The following DPP6 variants were observed in gnomAD, a reference collection of about 807,000 sequenced individuals.
The protein encoded by DPP6 is A-type potassium channel modulatory protein DPP6.
Under a neutral mutation model 122.6 loss-of-function variants are expected in DPP6, and 69 were observed. The observed-to-expected ratio is 0.56, with a 90% CI of 0.46 to 0.69. The LOEUF is 0.69. Among genes scored for constraint, DPP6 ranks in the 30% least tolerant of loss-of-function variants. DPP6 has a pLI of 0.00. For missense variants in DPP6, 928 were observed against 1,116.9 expected, an observed-to-expected ratio of 0.83 and a Z score of 2.41; for synonymous variants, 418 against 433.1, an observed-to-expected ratio of 0.97 and a Z score of 0.43.
chr7:154,278,969 G>C (rs1804322620), intron 1 of DPP6, among the ~76,000 whole-genome samples: 1 of 152,074 alleles, frequency 6.6e-6, no homozygotes, highest in Admixed American at 6.6e-5. Context: ...GGGCATGTGT[G>C]TGTATATATG....
chr7:154,416,152 C>T (rs977026147), intron 1 of DPP6, among the ~76,000 whole-genome samples: 3 of 152,272 alleles, frequency 2.0e-5, no homozygotes, highest in African/African-American at 7.2e-5. Flanking sequence ...CATCCTGCTC[C>T]GTCCTGTTCT....
At chr7:154,047,436 TTAATC>T (rs1231866677), upstream of DPP6, among the ~76,000 whole-genome samples, 2 of 149,640 alleles carry the variant, frequency 1.3e-5, no homozygotes, top group African/African-American at 2.5e-5. Context: ...CATATCTCGT[TTAATC>T]TAATACAGTT....
chr7:154,253,023 C>T (rs1437564631), intron 1 of DPP6, among the ~76,000 whole-genome samples: 1 of 152,230 alleles, frequency 6.6e-6, no homozygotes, highest in Admixed American at 6.5e-5. Flanking sequence ...GAAAGAAGGG[C>T]TGCCTGTAAT....
intron 17 of DPP6, among the ~76,000 whole-genome samples, chr7:154,861,378 A>G (rs1171813441): frequency 2.6e-5 from 4 of 152,202 alleles, no homozygotes; most frequent in African/African-American, 4.8e-5. Flanking sequence ...ACATAATCCT[A>G]TGATATCTAA....
chr7:153,975,982 G>A (rs1160947742), intron 1 of DPP6, among the ~76,000 whole-genome samples: 4 of 152,118 alleles, frequency 2.6e-5, no homozygotes, highest in Admixed American at 2.0e-4. Flanking sequence ...TCTTTAACAA[G>A]TGCCTGGCAT....
chr7:154,587,956 C>T lies in DPP6; in HGVS notation c.627+21040C>T, dbSNP rs755328453. 5.6e-6 allele frequency: 9 copies of T among 1,612,812 alleles called. No individual in the cohort carries two copies. The Admixed American group carries it at 8.3e-5, about 15-fold the overall frequency. ...TGGCACCAGGCTTCGCAGCCATGCA[C>T]CTGCAGCCCTCAGGCAGCACTGTCC... is the stretch of plus-strand genomic sequence containing the variant. On this transcript the variant is annotated intron_variant, in intron 5 of 25. Coordinates refer to ENST00000377770, the MANE Select transcript of DPP6 (RefSeq NM_130797.4).
At chr7:154,053,399 G>A (rs1800554543) in intron 1 of DPP6, among the ~76,000 whole-genome samples, 2 of 152,058 alleles carry the variant, frequency 1.3e-5, no homozygotes, top group South Asian at 4.1e-4. Context: ...GGTTCCTAAG[G>A]AGAGAATTCG....
chr7:154,337,601 T>A (rs1358421860), intron 1 of DPP6, among the ~76,000 whole-genome samples: 1 of 152,196 alleles, frequency 6.6e-6, no homozygotes, highest in Admixed American at 6.5e-5. Flanking sequence ...AGCTCAGAGA[T>A]GTCCTCTGTG....
At chr7:154,891,221 A>T (rs2150707077) in intron 25 of DPP6, 1 of 152,246 alleles carries the variant, frequency 6.6e-6, no homozygotes, top group Admixed American at 6.5e-5. Flanking sequence ...ACAGAGTGAG[A>T]CCCTGTCTGA....
the DPP6 span, among the ~76,000 whole-genome samples, chr7:153,810,671 C>CCTCTCTCTCTCTCTCT: frequency 5.1e-4 from 63 of 124,716 alleles, 2 homozygotes; most frequent in Non-Finnish European, 5.4e-4. Context: ...CTCTCTCTCT[C>CCTCTCTCTCTCTCTCT]CTCTCTCTCT....
chr7:154,080,346 C>T (rs1249353666), intron 1 of DPP6, among the ~76,000 whole-genome samples: 2 of 152,246 alleles, frequency 1.3e-5, no homozygotes, highest in Non-Finnish European at 2.9e-5. Context: ...ACATCTCGGA[C>T]TTCAATCCAC....
intron 1 of DPP6, among the ~76,000 whole-genome samples, chr7:154,176,881 G>A (rs369210848): frequency 2.0e-5 from 3 of 151,670 alleles, no homozygotes; most frequent in East Asian, 1.9e-4. Context: ...TCAGTCTGTC[G>A]CCCAGGTTAC....
At chr7:154,047,687 A>C (rs529103238), upstream of DPP6, among the ~76,000 whole-genome samples, 329 of 152,318 alleles carry the variant, frequency 2.2e-3, 1 homozygote, top group African/African-American at 7.4e-3. Context: ...TGTTGGTAGC[A>C]CAAGGCAAGA....
chr7:154,117,875 G>T (rs1004614674), intron 1 of DPP6, among the ~76,000 whole-genome samples: 2 of 151,990 alleles, frequency 1.3e-5, no homozygotes, highest in Non-Finnish European at 2.9e-5. Context: ...ATGTAGAGAG[G>T]GATTTTCCGC....
intron 1 of DPP6, among the ~76,000 whole-genome samples, chr7:154,079,798 C>T (rs1382769050): frequency 6.6e-6 from 1 of 151,754 alleles, no homozygotes; most frequent in Non-Finnish European, 1.5e-5. Flanking sequence ...CCTGGCCCAC[C>T]TGCGCTACCT....
intron 1 of DPP6, among the ~76,000 whole-genome samples, chr7:154,201,727 A>G (rs201952474): frequency 0.023 from 3,460 of 152,214 alleles, 130 homozygotes; most frequent in African/African-American, 0.078. Flanking sequence ...CAGTTAGTAA[A>G]TCCGTGATCC....
At chr7:154,773,114 G>T (rs557519908) in intron 10 of DPP6, among the ~76,000 whole-genome samples, 172 bp downstream of exon 10, 3 of 152,244 alleles carry the variant, frequency 2.0e-5, no homozygotes, top group African/African-American at 7.2e-5. Context: ...TCTAGGAAAA[G>T]AATACCATTC....
At chr7:154,774,461 G>A (rs919274507) in intron 10 of DPP6, among the ~76,000 whole-genome samples, 1 of 152,140 alleles carries the variant, frequency 6.6e-6, no homozygotes, top group Admixed American at 6.5e-5. Context: ...TGAAAATCTC[G>A]TTTAGTCAAT....
chr7:154,856,291 A>G (rs1563287929), intron 17 of DPP6, among the ~76,000 whole-genome samples: 1 of 152,108 alleles, frequency 6.6e-6, no homozygotes, highest in Non-Finnish European at 1.5e-5. Flanking sequence ...TACTTTTGGG[A>G]AATGCATTTT....
Sources: gnomAD v4.1 joint callset for allele counts (sites outside exome capture counted in the v4.1 genomes callset) on GRCh38, gnomAD v4.1.1 for gene constraint, MANE v1.5 for transcripts, NCBI Gene and HGNC (gene_info 2026-07-23, HGNC 2026-07-21) for gene names.